CAMK1D: variants seen among roughly 807,000 people sequenced by gnomAD.
CAMK1D encodes the protein calcium/calmodulin-dependent protein kinase type 1D.
Under a neutral mutation model 47.7 loss-of-function variants are expected in CAMK1D, and 9 were observed. The observed-to-expected ratio is 0.19, with a 90% CI of 0.11 to 0.33. The LOEUF is 0.33. Ranked by LOEUF, CAMK1D falls within the 10% of genes least tolerant of loss-of-function variation. The pLI is 1.00. For missense variants in CAMK1D, 291 were observed against 488.7 expected, an observed-to-expected ratio of 0.60 and a Z score of 3.81; for synonymous variants, 184 against 184.9, an observed-to-expected ratio of 0.99 and a Z score of 0.04.
At chr10:12,675,876 C>T (rs951596538) in intron 3 of CAMK1D, among the ~76,000 whole-genome samples, 3 of 152,190 alleles carry the variant, frequency 2.0e-5, no homozygotes, top group Non-Finnish European at 4.4e-5. Flanking sequence ...CATACCAGGC[C>T]AGTACTGCCA....
rs115644032 is a variant in CAMK1D, at chr10:12,567,973, A to G, written c.224+14617A>G. ...TGTTCTGTTGGATTCAGAACATGGC[A>G]CATTGTAGGTGGGGGCCACTTTTAC... is the stretch of plus-strand genomic sequence containing the variant. On this transcript the variant is annotated intron_variant, in intron 2 of 10. Coordinates refer to ENST00000619168, the MANE Select transcript of CAMK1D (RefSeq NM_153498.4). Among the ~76,000 whole-genome samples the G allele has an allele frequency of 5.7e-3, 867 of 151,882 alleles. 12 individuals are homozygous for G. Among genetic ancestry groups the G allele is most frequent in the African/African-American group, 0.019 (768 of 41,402 alleles).
chr10:12,533,820 C>T (rs991250621), intron 1 of CAMK1D, among the ~76,000 whole-genome samples: 2 of 152,144 alleles, frequency 1.3e-5, no homozygotes, highest in African/African-American at 4.8e-5. Context: ...AGTATGGTGG[C>T]TCTGTAAAGA....
At chr10:12,568,153 T>G (rs1256232854) in intron 2 of CAMK1D, among the ~76,000 whole-genome samples, 1 of 64,902 alleles carries the variant, frequency 1.5e-5, no homozygotes, top group Non-Finnish European at 2.7e-5. Context: ...TCTCTCCCTG[T>G]TTCCTTCCCT....
chr10:12,532,664 T>C (rs1220295842), intron 1 of CAMK1D, among the ~76,000 whole-genome samples: 12 of 152,224 alleles, frequency 7.9e-5, no homozygotes, highest in African/African-American at 2.4e-5. Context: ...CAGCACTGTT[T>C]GCAGTAGCCA....
intron 1 of CAMK1D, among the ~76,000 whole-genome samples, chr10:12,352,169 C>T (rs898703044): frequency 6.6e-6 from 1 of 152,132 alleles, no homozygotes; most frequent in Non-Finnish European, 1.5e-5. Flanking sequence ...TATTAAGTGG[C>T]GGAGCTGGTA....
At chr10:12,556,574 C>T (rs1318651435) in intron 2 of CAMK1D, among the ~76,000 whole-genome samples, 2 of 152,116 alleles carry the variant, frequency 1.3e-5, no homozygotes, top group African/African-American at 4.8e-5. Flanking sequence ...CCAGAAGTGG[C>T]AGCCCAAACA....
At position 12,831,122 on chromosome 10, in the gene CAMK1D, G is replaced by C. The variant is rs78146281; in HGVS notation, c.*2235G>C. On this transcript the variant is annotated 3_prime_UTR_variant, in exon 11 of 11. Transcript: ENST00000619168. ...AGGAATTCTGCATGGCATCTGCCAC[G>C]CATGCTCACAGGGTGAAAAATCAAG... The C allele has an allele frequency of 6.6e-6, 1 of 152,156 alleles. No individual in the cohort carries two copies. Among genetic ancestry groups the C allele is most frequent in the East Asian group, 1.9e-4 (1 of 5,186 alleles). 9.4% of individuals were successfully genotyped at this position (152,156 alleles called of 1,614,324 possible). A position where few individuals can be genotyped will look rare whatever the true frequency, so the allele number is the denominator to read the frequency against.
chr10:12,376,081 T>G (rs1437834521), intron 1 of CAMK1D, among the ~76,000 whole-genome samples: 2 of 140,830 alleles, frequency 1.4e-5, no homozygotes, highest in African/African-American at 5.6e-5. Context: ...GAGGATCACT[T>G]GAACCTGGGA....
intron 1 of CAMK1D, among the ~76,000 whole-genome samples, chr10:12,529,371 G>T (rs1269525220): frequency 6.6e-6 from 1 of 152,172 alleles, no homozygotes; most frequent in Non-Finnish European, 1.5e-5. Flanking sequence ...CTTACCTGTG[G>T]GTACCTGCCA....
chr10:12,586,882 AC>A, intron 2 of CAMK1D, among the ~76,000 whole-genome samples: 1 of 152,160 alleles, frequency 6.6e-6, no homozygotes, highest in African/African-American at 2.4e-5. Flanking sequence ...TTCATCACTG[AC>A]AGGTGAGAAC....
rs536328978 is a variant in CAMK1D, at chr10:12,695,051, G to C, written c.299+28241G>C. On this transcript the variant is annotated intron_variant, in intron 3 of 10. Transcript: ENST00000619168. ...AGATAGATAGATAGATAGATAGATA[G>C]ATAGATAGATAGATACATAGGTAGA... 1.5e-3 allele frequency among the ~76,000 whole-genome samples: 184 copies of C among 124,162 alleles called. 3 individuals carry two copies. Among genetic ancestry groups the C allele is most frequent in the East Asian group, 0.013 (57 of 4,422 alleles). 81.5% of individuals were successfully genotyped at this position (124,162 alleles called of 152,430 possible).
chr10:12,531,992 C>A (rs991175616), intron 1 of CAMK1D, among the ~76,000 whole-genome samples: 3 of 152,198 alleles, frequency 2.0e-5, no homozygotes, highest in African/African-American at 7.2e-5. Flanking sequence ...GTCCCTTACC[C>A]GGCTCTTCCC....
chr10:12,805,369 T>C (rs1252896591), intron 6 of CAMK1D, among the ~76,000 whole-genome samples: 1 of 40,404 alleles, frequency 2.5e-5, no homozygotes, highest in Non-Finnish European at 4.0e-5. Context: ...TTACATTTCT[T>C]TTTTTTTTTT....
chr10:12,368,233 G>T (rs1159640347), intron 1 of CAMK1D, among the ~76,000 whole-genome samples: 2 of 151,320 alleles, frequency 1.3e-5, no homozygotes, highest in Non-Finnish European at 2.9e-5. Flanking sequence ...AATGTTTATT[G>T]TCCGGGCACA....
intron 4 of CAMK1D, among the ~76,000 whole-genome samples, chr10:12,766,361 C>CTTTTTTTT (rs61097569): frequency 2.9e-5 from 3 of 103,376 alleles, no homozygotes; most frequent in African/African-American, 3.8e-5. Flanking sequence ...TTGCCTGTTT[C>CTTTTTTTT]TTTTTTTTTT....
intron 8 of CAMK1D, among the ~76,000 whole-genome samples, chr10:12,824,070 G>A (rs1425018443): frequency 9.9e-5 from 15 of 152,124 alleles, no homozygotes; most frequent in African/African-American, 1.9e-4. Context: ...TGGAGGTGGC[G>A]CATGGTGGCT....
chr10:12,512,485 TC>T (rs1194405117), intron 1 of CAMK1D, among the ~76,000 whole-genome samples: 1 of 152,144 alleles, frequency 6.6e-6, no homozygotes, highest in Non-Finnish European at 1.5e-5. Flanking sequence ...AACCTTCGCC[TC>T]CCGGGTTCAA....
At chr10:12,424,721 A>C (rs940617669) in intron 1 of CAMK1D, among the ~76,000 whole-genome samples, 3 of 152,096 alleles carry the variant, frequency 2.0e-5, no homozygotes, top group Non-Finnish European at 4.4e-5. Flanking sequence ...AGGCAAGAGG[A>C]TCACTTGAGC....
intron 1 of CAMK1D, among the ~76,000 whole-genome samples, chr10:12,493,570 T>C (rs1452235203): frequency 6.6e-6 from 1 of 152,186 alleles, no homozygotes; most frequent in African/African-American, 2.4e-5. Flanking sequence ...CTCAGCTTAC[T>C]GTGACCTCCA....
Sources: gnomAD v4.1 joint callset for allele counts (sites outside exome capture counted in the v4.1 genomes callset) on GRCh38, gnomAD v4.1.1 for gene constraint, MANE v1.5 for transcripts, NCBI Gene and HGNC (gene_info 2026-07-23, HGNC 2026-07-21) for gene names.